VPS53: variants seen among roughly 807,000 people sequenced by gnomAD.
The protein encoded by VPS53 is vacuolar protein sorting-associated protein 53 homolog.
A neutral mutation model predicts 107.0 loss-of-function variants in VPS53; 70 were observed. That is an observed-to-expected ratio of 0.65 (90% confidence interval 0.54 to 0.80). The LOEUF is 0.80. Ranked by LOEUF, VPS53 falls within the 30% of genes least tolerant of loss-of-function variation. The pLI is 0.00. For synonymous variants in VPS53, 409 were observed against 393.3 expected (o/e 1.04, Z -0.47); for missense variants, 917 against 1,049.4 (o/e 0.87, Z 1.74).
intron 4 of VPS53, chr17:675,343 G>A (rs1182711762): frequency 2.0e-5 from 3 of 152,152 alleles, no homozygotes; most frequent in Non-Finnish European, 4.4e-5. Flanking sequence ...TGTCTGTCGC[G>A]ACCGTTCCCT....
intron 11 of VPS53, among the ~76,000 whole-genome samples, chr17:617,032 G>A (rs768720288): frequency 6.6e-6 from 1 of 152,198 alleles, no homozygotes; most frequent in African/African-American, 2.4e-5. Context: ...CAAAACAAGT[G>A]CTTGGCAAGA....
Position 516,039 on chromosome 17 carries a change from T to C in VPS53, c.*3089A>G, listed in dbSNP as rs541341368. 5 of 146,952 alleles carry C rather than the reference T, an allele frequency of 3.4e-5. No homozygotes were observed. Among genetic ancestry groups the C allele is most frequent in the Middle Eastern group, 3.4e-3 (1 of 294 alleles). 9.1% of individuals were successfully genotyped at this position (146,952 alleles called of 1,614,324 possible). A position where few individuals can be genotyped will look rare whatever the true frequency, so the allele number is the denominator to read the frequency against. On this transcript the variant is annotated 3_prime_UTR_variant, in exon 22 of 22. Coordinates refer to ENST00000437048, the MANE Select transcript of VPS53 (RefSeq NM_001128159.3). ...GGCTGGTCTCAAACTCGTGACCTCATGTGATCCGCCCACCTCGGCCTCCCA... is the reference window on the plus strand; with the variant it reads ...GGCTGGTCTCAAACTCGTGACCTCACGTGATCCGCCCACCTCGGCCTCCCA...
chr17:714,172 AAC>A (rs757354861), intron 1 of VPS53: 2 of 163,588 alleles, frequency 1.2e-5, no homozygotes, highest in African/African-American at 4.8e-5. Flanking sequence ...GTCATTTTTC[AAC>A]ACTTTCTCTC....
chr17:556,917 G>T lies in VPS53; in HGVS notation c.1705-3455C>A, dbSNP rs976795560. 2.7e-5 allele frequency among the ~76,000 whole-genome samples: 4 copies of T among 148,078 alleles called. 1 individual carries two copies. In the South Asian group the frequency reaches 8.4e-4, roughly 31 times the overall value. On this transcript the variant is annotated intron_variant, in intron 15 of 21. Coordinates refer to ENST00000437048, the MANE Select transcript of VPS53 (RefSeq NM_001128159.3). ...GGCCAGGAGGGCCTCTCTGCTGAAG[G>T]GGGGTGGCCAGGAGGGGCTCTCTGA...
chr17:653,503 T>C, intron 6 of VPS53, 93 bp from the exon 7 acceptor site: 1 of 1,570,640 alleles, frequency 6.4e-7, no homozygotes, highest in East Asian at 2.3e-5. Flanking sequence ...CAAACAGATA[T>C]CAACTCAGCT....
chr17:657,244 C>T (rs1971230854), intron 5 of VPS53: 3 of 1,106,492 alleles, frequency 2.7e-6, no homozygotes, highest in Non-Finnish European at 4.1e-6. Flanking sequence ...CTCAGGTGTA[C>T]AGCAAAGCAA....
At chr17:703,301 C>T (rs1402664204) in intron 2 of VPS53, among the ~76,000 whole-genome samples, 2 of 152,138 alleles carry the variant, frequency 1.3e-5, no homozygotes, top group Non-Finnish European at 2.9e-5. Context: ...AGATGGGAAA[C>T]GTGCTCTGCA....
chr17:617,134 C>T (rs1969175516), intron 11 of VPS53, among the ~76,000 whole-genome samples: 1 of 152,200 alleles, frequency 6.6e-6, no homozygotes, highest in Non-Finnish European at 1.5e-5. Context: ...TCTCCGGACC[C>T]TGCCCAGCCA....
At chr17:620,197 G>A (rs1969409438) in intron 11 of VPS53, among the ~76,000 whole-genome samples, 1 of 152,232 alleles carries the variant, frequency 6.6e-6, no homozygotes, top group South Asian at 2.1e-4. Context: ...AGCCCAAGTA[G>A]GCAGGACCTT....
chr17:704,526 C>G (rs1056918282), intron 2 of VPS53, among the ~76,000 whole-genome samples: 1 of 152,184 alleles, frequency 6.6e-6, no homozygotes, highest in Non-Finnish European at 1.5e-5. Flanking sequence ...AAATTTCAAG[C>G]TATGCCACTA....
Position 508,956 on chromosome 17 carries a change from G to A in VPS53, c.*10172C>T, listed in dbSNP as rs1597226361. 6.6e-6 allele frequency: 1 copy of A among 152,090 alleles called. No individual in the cohort carries two copies. The highest frequency in any genetic ancestry group is 1.5e-5 in the Non-Finnish European group (1 of 68,042). 9.4% of individuals were successfully genotyped at this position (152,090 alleles called of 1,614,324 possible). A position where few individuals can be genotyped will look rare whatever the true frequency, so the allele number is the denominator to read the frequency against. On this transcript the variant is annotated 3_prime_UTR_variant, in exon 22 of 22. Transcript: ENST00000437048. ...TTCATAAAATACTTTTATCTATTTT[G>A]TATAGAGGGAATCCAATGTAAAATT...
chr17:624,306 G>T (rs558080841), intron 10 of VPS53, among the ~76,000 whole-genome samples: 1 of 152,074 alleles, frequency 6.6e-6, no homozygotes, highest in African/African-American at 2.4e-5. Context: ...CCCTCTTCCT[G>T]AGGGCCCAAT....
At chr17:597,170 G>A (rs1244307700) in intron 12 of VPS53, among the ~76,000 whole-genome samples, 1 of 152,146 alleles carries the variant, frequency 6.6e-6, no homozygotes, top group African/African-American at 2.4e-5. Context: ...GCAGCGAGGC[G>A]TAAACTGCAG....
intron 12 of VPS53, among the ~76,000 whole-genome samples, chr17:589,773 ACTGT>A (rs1967540240): frequency 6.6e-6 from 1 of 152,088 alleles, no homozygotes. Context: ...TGTTTTGGTT[ACTGT>A]AGCCTTGTAG....
At chr17:543,619 A>G (rs1910877048) in intron 17 of VPS53, among the ~76,000 whole-genome samples, 1 of 151,664 alleles carries the variant, frequency 6.6e-6, no homozygotes, top group Non-Finnish European at 1.5e-5. Flanking sequence ...ATAACCAGAC[A>G]TACTCATTTC....
intron 17 of VPS53, among the ~76,000 whole-genome samples, chr17:549,716 T>C (rs990678562): frequency 6.6e-6 from 1 of 152,250 alleles, no homozygotes; most frequent in East Asian, 1.9e-4. Context: ...AGAGAATGCT[T>C]ACCAGCAGCG....
chr17:693,627 C>T (rs1395414150), intron 4 of VPS53, among the ~76,000 whole-genome samples: 2 of 152,046 alleles, frequency 1.3e-5, no homozygotes, highest in Non-Finnish European at 1.5e-5. Context: ...CTAGCTACTT[C>T]GGAGGCTAAG....
chr17:683,217 G>C lies in VPS53; in HGVS notation c.285+14201C>G, dbSNP rs1051230166. On this transcript the variant is annotated intron_variant, in intron 4 of 21. Coordinates refer to ENST00000437048, the MANE Select transcript of VPS53 (RefSeq NM_001128159.3). ...TCTAGGAGGAAGAGAGAACACAACA[G>C]AAACATTTGAAGAGATAATGGCTGA... 2.6e-5 allele frequency among the ~76,000 whole-genome samples: 4 copies of C among 152,002 alleles called. No homozygotes were observed. In the East Asian group the frequency reaches 7.7e-4, roughly 29 times the overall value.
At chr17:653,064 G>A (rs994371768) in intron 7 of VPS53, among the ~76,000 whole-genome samples, 3 of 152,220 alleles carry the variant, frequency 2.0e-5, no homozygotes, top group Non-Finnish European at 4.4e-5. Flanking sequence ...TTAGCTGCCG[G>A]ATCTGCGGAA....
Sources: allele counts gnomAD v4.1 joint callset (sites outside exome capture counted in the v4.1 genomes callset), GRCh38; gene constraint gnomAD v4.1.1; transcripts MANE v1.5; gene names NCBI Gene and HGNC (gene_info 2026-07-23, HGNC 2026-07-21).